NUP153: variants seen among roughly 807,000 people sequenced by gnomAD.
The protein encoded by NUP153 is nucleoporin 153, also known as nuclear pore complex protein Nup153.
Under a neutral mutation model 134.6 loss-of-function variants are expected in NUP153, and 27 were observed. That is an observed-to-expected ratio of 0.20 (90% CI 0.15 to 0.28). The LOEUF (loss-of-function observed/expected upper bound fraction) is 0.28, where lower values mean the gene tolerates loss of function less well. Ranked by LOEUF, NUP153 falls within the 10% of genes least tolerant of loss-of-function variation. The pLI is 1.00. For synonymous variants in NUP153, 640 were observed against 623.5 expected (o/e 1.03, Z -0.40); for missense variants, 1,821 against 1,731.3 (o/e 1.05, Z -0.92).
At chr6:17,669,088 T>C in intron 7 of NUP153, 60 bp from the exon 8 acceptor site, 1 of 1,323,778 alleles carries the variant, frequency 7.6e-7, no homozygotes, top group South Asian at 1.5e-5. Context: ...TACCTTTTTT[T>C]TTTTTTTTGA....
rs182879172 is a variant in NUP153, at chr6:17,679,667, G to A, written c.335-3897C>T. On this transcript the variant is annotated intron_variant, in intron 2 of 21. Transcript: ENST00000262077. Reference sequence around the variant, plus strand: ...AATGTGGCACTGGTGAGAGAGAACAGGAGGTGGGAGGTAGTTTCTCCTTCA... The same window carrying A: ...AATGTGGCACTGGTGAGAGAGAACAAGAGGTGGGAGGTAGTTTCTCCTTCA... Among the ~76,000 whole-genome samples, 5 of 152,324 alleles carry A rather than the reference G, an allele frequency of 3.3e-5. No individual in the cohort carries two copies. In the East Asian group the frequency reaches 7.7e-4, roughly 23 times the overall value.
At chr6:17,617,939 T>A (rs1481830793) in intron 20 of NUP153, among the ~76,000 whole-genome samples, 1 of 152,158 alleles carries the variant, frequency 6.6e-6, no homozygotes, top group Admixed American at 6.5e-5. Context: ...TGTAGAAGTG[T>A]CTGGACTGGG....
At chr6:17,662,147 T>C in intron 9 of NUP153, 77 bp from the exon 10 acceptor site, 27 of 1,283,406 alleles carry the variant, frequency 2.1e-5, no homozygotes, top group Non-Finnish European at 2.7e-5. Context: ...TTCCTATTAA[T>C]TTTAATATTT....
At chr6:17,699,416 G>T (rs1343287443) in intron 1 of NUP153, among the ~76,000 whole-genome samples, 1 of 150,172 alleles carries the variant, frequency 6.7e-6, no homozygotes, top group East Asian at 1.9e-4. Context: ...CTGGCAGGCG[G>T]AGGTTGCAGT....
At chr6:17,663,464 A>G (rs1767330792) in intron 9 of NUP153, among the ~76,000 whole-genome samples, 1 of 152,096 alleles carries the variant, frequency 6.6e-6, no homozygotes, top group Non-Finnish European at 1.5e-5. Context: ...AGGTCTTGCT[A>G]TGGTGCCTGG....
At chr6:17,642,764 G>C (rs1765900262) in intron 14 of NUP153, among the ~76,000 whole-genome samples, 1 of 152,124 alleles carries the variant, frequency 6.6e-6, no homozygotes, top group African/African-American at 2.4e-5. Context: ...ATTCACAATA[G>C]CCAAATGGTG....
At chr6:17,632,925 ACTG>A (rs1470070118) in intron 16 of NUP153, 81 bp from the exon 17 acceptor site, 1 of 1,025,478 alleles carries the variant, frequency 9.8e-7, no homozygotes, top group Admixed American at 2.9e-5. Context: ...TCTTAATGGC[ACTG>A]CTAAGTTTAA....
At chr6:17,688,250 A>G (rs1477069806) in intron 2 of NUP153, 146 bp downstream of exon 2, 2 of 612,502 alleles carry the variant, frequency 3.3e-6, no homozygotes, top group Non-Finnish European at 5.7e-6. Context: ...GATAAATAAA[A>G]AAGACATCCA....
At chr6:17,641,022 T>C (rs928465473) in intron 14 of NUP153, among the ~76,000 whole-genome samples, 4 of 152,232 alleles carry the variant, frequency 2.6e-5, no homozygotes, top group Non-Finnish European at 5.9e-5. Context: ...AGCAGTAAGA[T>C]GAGTGACTTA....
intron 2 of NUP153, among the ~76,000 whole-genome samples, chr6:17,688,124 C>CA (rs954122421): frequency 8.7e-5 from 13 of 149,812 alleles, no homozygotes; most frequent in South Asian, 2.1e-4. Context: ...TCTCAAAAAA[C>CA]AAAAAAAAGA....
At chr6:17,688,124 CAAAAAAAAGAAA>C (rs1769052190) in intron 2 of NUP153, among the ~76,000 whole-genome samples, 1 of 149,696 alleles carries the variant, frequency 6.7e-6, no homozygotes, top group African/African-American at 2.5e-5. Flanking sequence ...TCTCAAAAAA[CAAAAAAAAGAAA>C]GAAAAAAAGA....
chr6:17,618,291 A>C (rs1764442823), intron 20 of NUP153, among the ~76,000 whole-genome samples: 1 of 152,236 alleles, frequency 6.6e-6, no homozygotes, highest in African/African-American at 2.4e-5. Flanking sequence ...TACACTCATA[A>C]CAACTACAGG....
intron 17 of NUP153, among the ~76,000 whole-genome samples, chr6:17,632,320 C>CA (rs756352194): frequency 7.1e-6 from 1 of 140,184 alleles, no homozygotes; most frequent in Admixed American, 7.1e-5. Flanking sequence ...AACAAACAAA[C>CA]AAAAAAACAA....
chr6:17,627,096 C>T lies in NUP153; in HGVS notation c.3545-932G>A, dbSNP rs368535206. 6.6e-5 allele frequency among the ~76,000 whole-genome samples: 10 copies of T among 152,174 alleles called. No homozygotes were observed. The East Asian group carries it at 7.7e-4, about 12-fold the overall frequency. ...TCCAATAATCTCTCAGTTCCAATAC[C>T]GCACACTATCCAGGGCTGGTCACAG... On this transcript the variant is annotated intron_variant, in intron 18 of 21. Transcript: ENST00000262077.
intron 2 of NUP153, among the ~76,000 whole-genome samples, chr6:17,677,916 C>G (rs1459496840): frequency 6.6e-6 from 1 of 151,206 alleles, no homozygotes; most frequent in Non-Finnish European, 1.5e-5. Context: ...TCAATATTAA[C>G]TTTGTGTCAA....
chr6:17,622,911 A>T (rs1452492711), intron 20 of NUP153, among the ~76,000 whole-genome samples: 1 of 152,118 alleles, frequency 6.6e-6, no homozygotes, highest in African/African-American at 2.4e-5. Context: ...TGGGTGGATC[A>T]TGAGGTCAGG....
At chr6:17,694,359 A>C (rs1054427852) in intron 1 of NUP153, among the ~76,000 whole-genome samples, 5 of 152,130 alleles carry the variant, frequency 3.3e-5, no homozygotes, top group Admixed American at 2.0e-4. Flanking sequence ...AGGTTGGGAT[A>C]AAGAAATAAA....
rs77082364 is a variant in NUP153, at chr6:17,692,954, C to T, written c.112-4336G>A. Reference sequence around the variant, plus strand: ...CTAGAAAAAATATACATGTGGAGCACTAGTCAGACAATATTTAAGATTATA... The same window carrying T: ...CTAGAAAAAATATACATGTGGAGCATTAGTCAGACAATATTTAAGATTATA... On this transcript the variant is annotated intron_variant, in intron 1 of 21. Coordinates refer to ENST00000262077, the MANE Select transcript of NUP153 (RefSeq NM_005124.4). 8.8e-3 allele frequency among the ~76,000 whole-genome samples: 1,345 copies of T among 152,206 alleles called. 10 individuals carry two copies. The highest frequency in any genetic ancestry group is 0.014 in the Non-Finnish European group (935 of 68,002).
chr6:17,660,170 T>C (rs946583850), intron 11 of NUP153, among the ~76,000 whole-genome samples: 1 of 152,154 alleles, frequency 6.6e-6, no homozygotes, highest in African/African-American at 2.4e-5. Flanking sequence ...AAAATACCAA[T>C]AGGCATGAAG....
Sources: gnomAD v4.1 joint callset for allele counts (sites outside exome capture counted in the v4.1 genomes callset) on GRCh38, gnomAD v4.1.1 for gene constraint, MANE v1.5 for transcripts, NCBI Gene and HGNC (gene_info 2026-07-23, HGNC 2026-07-21) for gene names.